Variants in RPS6KC1 observed in about 807,000 individuals in gnomAD.
The protein encoded by RPS6KC1 is inactive ribosomal protein S6 kinase delta-1.
RPS6KC1 carries 54 observed loss-of-function variants against 103.8 expected under a neutral mutation model. The observed-to-expected ratio is 0.52, with a 90% confidence interval of 0.42 to 0.65. The LOEUF (loss-of-function observed/expected upper bound fraction) is 0.65. RPS6KC1 is among the 30% of genes least tolerant of loss of function. The probability of loss-of-function intolerance (pLI) is 0.00; values close to 1 mark genes in which losing one functional copy is unlikely to be tolerated. For missense variants in RPS6KC1, 1,151 were observed against 1,253.8 expected (o/e 0.92, Z 1.24); for synonymous variants, 439 against 438.7 (o/e 1.00, Z -0.01).
At chr1:213,346,751 G>A in the RPS6KC1 span, among the ~76,000 whole-genome samples, 2 of 152,080 alleles carry the variant, frequency 1.3e-5, no homozygotes, top group African/African-American at 4.8e-5. Context: ...AGTATGCAGT[G>A]CGATTTTATA....
At chr1:213,445,984 A>C in the RPS6KC1 span, among the ~76,000 whole-genome samples, 1 of 152,134 alleles carries the variant, frequency 6.6e-6, no homozygotes, top group African/African-American at 2.4e-5. Context: ...GCACAGGGTG[A>C]GTCGGTGGTG....
chr1:213,767,644 T>C, the RPS6KC1 span, among the ~76,000 whole-genome samples: 36 of 152,206 alleles, frequency 2.4e-4, no homozygotes, highest in Non-Finnish European at 4.6e-4. Flanking sequence ...GAGCAGACAT[T>C]GGGAAGGAGA....
chr1:213,653,408 G>A, the RPS6KC1 span, among the ~76,000 whole-genome samples: 3 of 151,960 alleles, frequency 2.0e-5, no homozygotes, highest in Admixed American at 1.3e-4. Context: ...GCAGTGAGCC[G>A]TGATCATGCC....
At chr1:213,189,468 A>G (rs1377544001) in intron 8 of RPS6KC1, among the ~76,000 whole-genome samples, 1 of 150,588 alleles carries the variant, frequency 6.6e-6, no homozygotes, top group Non-Finnish European at 1.5e-5. Flanking sequence ...AAAAAAAAAA[A>G]AGTGTACGTT....
chr1:213,766,753 C>G, the RPS6KC1 span, among the ~76,000 whole-genome samples: 1 of 152,046 alleles, frequency 6.6e-6, no homozygotes, highest in Non-Finnish European at 1.5e-5. Flanking sequence ...GTTCCTACCT[C>G]TTATTCCTCT....
At chr1:213,225,011 T>A (rs1468635397) in intron 8 of RPS6KC1, among the ~76,000 whole-genome samples, 1 of 152,144 alleles carries the variant, frequency 6.6e-6, no homozygotes, top group African/African-American at 2.4e-5. Context: ...TTAGCAGGAG[T>A]GCTGGTGTGT....
At chr1:213,777,578 T>C in the RPS6KC1 span, among the ~76,000 whole-genome samples, 1 of 152,106 alleles carries the variant, frequency 6.6e-6, no homozygotes, top group Non-Finnish European at 1.5e-5. Flanking sequence ...TATTATAATA[T>C]AAAAAATGGC....
the RPS6KC1 span, among the ~76,000 whole-genome samples, chr1:213,810,105 C>G: frequency 5.9e-5 from 9 of 152,168 alleles, no homozygotes; most frequent in Admixed American, 2.0e-4. Context: ...CGTTGAGAAG[C>G]CTTGGAGGGC....
At chr1:213,358,181 A>G in the RPS6KC1 span, among the ~76,000 whole-genome samples, 12 of 151,900 alleles carry the variant, frequency 7.9e-5, no homozygotes, top group Admixed American at 5.2e-4. Context: ...CTCTTTTTCT[A>G]TTGATTGGAA....
At chr1:213,475,234 G>A in the RPS6KC1 span, among the ~76,000 whole-genome samples, 1 of 152,090 alleles carries the variant, frequency 6.6e-6, no homozygotes, top group Non-Finnish European at 1.5e-5. Context: ...GAAGATTTTT[G>A]CCATGGGCCT....
chr1:213,720,507 C>A, the RPS6KC1 span, among the ~76,000 whole-genome samples: 3 of 152,152 alleles, frequency 2.0e-5, no homozygotes, highest in Non-Finnish European at 4.4e-5. Flanking sequence ...CGATAAAAAT[C>A]AAAATGCCAG....
At chr1:213,402,792 A>C in the RPS6KC1 span, among the ~76,000 whole-genome samples, 2 of 152,088 alleles carry the variant, frequency 1.3e-5, no homozygotes, top group Non-Finnish European at 2.9e-5. Context: ...ACATGTTGGA[A>C]AATAATAGAA....
the RPS6KC1 span, among the ~76,000 whole-genome samples, chr1:213,629,043 GAAGAA>G: frequency 6.6e-6 from 1 of 152,192 alleles, no homozygotes; most frequent in African/African-American, 2.4e-5. Context: ...GTAGTGCTAA[GAAGAA>G]TGTAGATTCT....
chr1:213,648,827 C>T, the RPS6KC1 span, among the ~76,000 whole-genome samples: 5 of 152,188 alleles, frequency 3.3e-5, no homozygotes, highest in Non-Finnish European at 7.3e-5. Context: ...CTGTCCCCAC[C>T]ATGACAATCC....
At chr1:213,554,299 GTTA>G in the RPS6KC1 span, among the ~76,000 whole-genome samples, 1 of 152,004 alleles carries the variant, frequency 6.6e-6, no homozygotes, top group Admixed American at 6.6e-5. Flanking sequence ...ACCCATGCTT[GTTA>G]TTGTCTTGTT....
At chr1:213,523,164 A>G in the RPS6KC1 span, among the ~76,000 whole-genome samples, 1 of 152,190 alleles carries the variant, frequency 6.6e-6, no homozygotes. Flanking sequence ...GTCCCAAGGA[A>G]AGGGAGAGAG....
chr1:213,082,706 G>A (rs2080014336), intron 3 of RPS6KC1, among the ~76,000 whole-genome samples: 1 of 152,164 alleles, frequency 6.6e-6, no homozygotes, highest in African/African-American at 2.4e-5. Flanking sequence ...ATAGTAAAAT[G>A]TGAAAGGAGA....
the RPS6KC1 span, among the ~76,000 whole-genome samples, chr1:213,357,292 A>G: frequency 1.3e-4 from 20 of 151,556 alleles, no homozygotes; most frequent in African/African-American, 4.6e-4. Context: ...GCTCTTCCCT[A>G]GTGGTGCACA....
chr1:213,357,337 A>G, the RPS6KC1 span, among the ~76,000 whole-genome samples: 13 of 152,012 alleles, frequency 8.6e-5, no homozygotes, highest in Admixed American at 8.5e-4. Flanking sequence ...CTTTTCTCAG[A>G]TCCCTCAGCC....
Sources: allele counts gnomAD v4.1 joint callset (sites outside exome capture counted in the v4.1 genomes callset), GRCh38; gene constraint gnomAD v4.1.1; transcripts MANE v1.5; gene names NCBI Gene and HGNC (gene_info 2026-07-23, HGNC 2026-07-21).